RBMS3: variants seen among roughly 807,000 people sequenced by gnomAD.
RBMS3 encodes the protein RNA binding motif single stranded interacting protein 3.
In RBMS3, 27 loss-of-function variants were observed where a neutral mutation model predicts 66.8. That is an observed-to-expected ratio of 0.40 (90% CI 0.30 to 0.56). RBMS3 has a LOEUF of 0.56. RBMS3 is among the 20% of genes least tolerant of loss of function. The probability of loss-of-function intolerance (pLI) is 0.40; values close to 1 mark genes in which losing one functional copy is unlikely to be tolerated. For synonymous variants in RBMS3, 188 were observed against 183.0 expected (o/e 1.03, Z -0.22); for missense variants, 513 against 549.5 (o/e 0.93, Z 0.66).
chr3:29,563,498 G>A (rs1171423699), intron 3 of RBMS3, among the ~76,000 whole-genome samples: 1 of 152,086 alleles, frequency 6.6e-6, no homozygotes, highest in Non-Finnish European at 1.5e-5. Context: ...ACCTCAACCA[G>A]TTTCAGGCAA....
intron 11 of RBMS3, among the ~76,000 whole-genome samples, 191 bp from the exon 12 acceptor site, chr3:29,944,016 T>C (rs761922768): frequency 6.6e-6 from 1 of 151,678 alleles, no homozygotes; most frequent in Non-Finnish European, 1.5e-5. Context: ...TAATAACATG[T>C]ACAGTATTGT....
intron 3 of RBMS3, among the ~76,000 whole-genome samples, chr3:29,553,768 A>G (rs1029265443): frequency 6.6e-6 from 1 of 151,862 alleles, no homozygotes; most frequent in Non-Finnish European, 1.5e-5. Flanking sequence ...AGAAAAACAT[A>G]AAACAATTTT....
intron 4 of RBMS3, among the ~76,000 whole-genome samples, chr3:29,684,030 C>A (rs905735170): frequency 6.6e-6 from 1 of 152,144 alleles, no homozygotes; most frequent in Non-Finnish European, 1.5e-5. Flanking sequence ...ACAAAAGAAG[C>A]CACAGAGGAT....
chr3:29,607,548 T>TA (rs1232971236), intron 4 of RBMS3, among the ~76,000 whole-genome samples: 10 of 152,136 alleles, frequency 6.6e-5, no homozygotes, highest in East Asian at 1.9e-4. Flanking sequence ...TTTTTGGAGT[T>TA]ACTATTTCAA....
intron 4 of RBMS3, among the ~76,000 whole-genome samples, chr3:29,639,165 A>T (rs190092006): frequency 3.3e-5 from 5 of 151,958 alleles, no homozygotes; most frequent in Admixed American, 3.3e-4. Context: ...ACCTTGGCTG[A>T]ATTTCCAAGC....
chr3:29,649,154 C>A (rs79127006), intron 4 of RBMS3, among the ~76,000 whole-genome samples: 2,169 of 152,144 alleles, frequency 0.014, 36 homozygotes, highest in African/African-American at 0.041. Context: ...GTTATTTTTT[C>A]TCTACTTAAT....
chr3:29,291,872 G>A (rs1292050930), intron 1 of RBMS3, among the ~76,000 whole-genome samples: 1 of 151,652 alleles, frequency 6.6e-6, no homozygotes, highest in Non-Finnish European at 1.5e-5. Context: ...TGAAGATACT[G>A]CTACTCCAGC....
intron 6 of RBMS3, among the ~76,000 whole-genome samples, chr3:29,800,405 T>C (rs1251330900): frequency 1.3e-5 from 2 of 152,130 alleles, no homozygotes; most frequent in African/African-American, 4.8e-5. Flanking sequence ...AAATATGTTA[T>C]TGGAAAAAAG....
rs937828396 is a variant in RBMS3 at position 30,005,814 on chromosome 3, C to T, written c.*1952C>T. 4 of 151,726 alleles carry T rather than the reference C, an allele frequency of 2.6e-5. No homozygotes were observed. Among genetic ancestry groups the T allele is most frequent in the Admixed American group, 2.0e-4 (3 of 15,220 alleles). The allele number at this position is 151,726 out of a possible 1,614,324, so 9.4% of individuals were successfully genotyped here. A position where few individuals can be genotyped will look rare whatever the true frequency, so the allele number is the denominator to read the frequency against. ...TCTATTGGTGGAATTTAGGGAAGTCCTTAAAATGCTAGTTGACAATCAAGG... is the reference window on the plus strand; with the variant it reads ...TCTATTGGTGGAATTTAGGGAAGTCTTTAAAATGCTAGTTGACAATCAAGG... On this transcript the variant is annotated 3_prime_UTR_variant, in exon 15 of 15. Coordinates refer to ENST00000383767, the MANE Select transcript of RBMS3 (RefSeq NM_001003793.3).
At chr3:29,649,094 A>G (rs959816595) in intron 4 of RBMS3, among the ~76,000 whole-genome samples, 1 of 152,204 alleles carries the variant, frequency 6.6e-6, no homozygotes, top group African/African-American at 2.4e-5. Flanking sequence ...TAAGGTTTTC[A>G]AAGTCTGTTA....
rs530526713 is a variant in RBMS3, at chr3:29,971,438, G to C, written c.1099-16705G>C. On this transcript the variant is annotated intron_variant, in intron 12 of 14. Coordinates refer to ENST00000383767, the MANE Select transcript of RBMS3 (RefSeq NM_001003793.3). The stretch of plus-strand genomic sequence containing the variant: ...GTGGCTCCAGTTTCTTCTCAAATAT[G>C]TTAGGTATAGGGGAATTTTTTTACT... 4.6e-5 allele frequency among the ~76,000 whole-genome samples: 7 copies of C among 152,068 alleles called. No homozygotes were observed. In the South Asian group the frequency reaches 1.5e-3, roughly 32 times the overall value.
At chr3:29,532,237 C>CATATATATATATAT (rs71688232) in intron 3 of RBMS3, among the ~76,000 whole-genome samples, 4 of 92,138 alleles carry the variant, frequency 4.3e-5, no homozygotes, top group South Asian at 3.1e-4. Context: ...TTTAATTTCG[C>CATATATATATATAT]ATATATATGT....
intron 8 of RBMS3, among the ~76,000 whole-genome samples, chr3:29,893,735 G>T (rs2060057794): frequency 6.6e-6 from 1 of 151,432 alleles, no homozygotes. Flanking sequence ...TAGAAATTTG[G>T]TATATTATTT....
chr3:29,950,211 G>C (rs1175125279), intron 12 of RBMS3, among the ~76,000 whole-genome samples: 1 of 151,818 alleles, frequency 6.6e-6, no homozygotes, highest in Non-Finnish European at 1.5e-5. Flanking sequence ...AGAGAAAAAC[G>C]ACGCTTAGTG....
At chr3:29,475,416 T>G (rs189240770) in intron 2 of RBMS3, among the ~76,000 whole-genome samples, 55 of 152,130 alleles carry the variant, frequency 3.6e-4, no homozygotes, top group African/African-American at 1.3e-3. Flanking sequence ...GCCCAGCTAA[T>G]TTTTTGTAGT....
intron 4 of RBMS3, among the ~76,000 whole-genome samples, chr3:29,652,404 CTAGA>C (rs2050178568): frequency 1.3e-5 from 2 of 152,014 alleles, no homozygotes; most frequent in African/African-American, 2.4e-5. Flanking sequence ...CACGTAGAAC[CTAGA>C]TAAACACTGA....
intron 5 of RBMS3, among the ~76,000 whole-genome samples, chr3:29,744,285 T>A (rs1179219380): frequency 6.6e-6 from 1 of 152,212 alleles, no homozygotes; most frequent in Non-Finnish European, 1.5e-5. Context: ...AGCAAATTTC[T>A]TATGATAAAT....
intron 1 of RBMS3, 71 bp downstream of exon 1, chr3:29,281,827 G>T: frequency 7.5e-7 from 1 of 1,337,128 alleles, no homozygotes; most frequent in South Asian, 1.2e-5. Flanking sequence ...ACAGACAGGC[G>T]TGTGAATTAT....
intron 1 of RBMS3, among the ~76,000 whole-genome samples, chr3:29,372,061 G>C (rs2038232642): frequency 2.0e-5 from 3 of 152,166 alleles, no homozygotes; most frequent in Admixed American, 2.0e-4. Context: ...GGTAAGTAGG[G>C]GGAAGAGGAA....
Sources: allele counts gnomAD v4.1 joint callset (sites outside exome capture counted in the v4.1 genomes callset), GRCh38; gene constraint gnomAD v4.1.1; transcripts MANE v1.5; gene names NCBI Gene and HGNC (gene_info 2026-07-23, HGNC 2026-07-21).